The following CDC42BPA variants were observed in gnomAD, a reference collection of about 807,000 sequenced individuals.
CDC42BPA encodes serine/threonine-protein kinase MRCK alpha.
In CDC42BPA, 80 loss-of-function variants were observed where a neutral mutation model predicts 223.5. The ratio of observed to expected loss-of-function variants is 0.36; its 90% CI spans 0.30 to 0.43. The LOEUF is 0.43. CDC42BPA is among the 20% of genes least tolerant of loss of function. CDC42BPA has a pLI of 1.00. For synonymous variants in CDC42BPA, 694 were observed against 718.6 expected (o/e 0.97, Z 0.55); for missense variants, 1,743 against 2,099.9 (o/e 0.83, Z 3.32).
chr1:227,147,301 G>A, intron 7 of CDC42BPA, 58 bp downstream of exon 7: 1 of 1,202,314 alleles, frequency 8.3e-7, no homozygotes, highest in Non-Finnish European at 1.2e-6. Flanking sequence ...CTTTAAAAAT[G>A]GTTTTATTAT....
At chr1:227,283,929 A>G (rs1039315403) in intron 1 of CDC42BPA, among the ~76,000 whole-genome samples, 1 of 152,160 alleles carries the variant, frequency 6.6e-6, no homozygotes, top group African/African-American at 2.4e-5. Context: ...ATGGTGGCGC[A>G]TGACTGTAAT....
In CDC42BPA at chr1:227,129,096, C is replaced by T; in HGVS notation, c.1513+13G>A. 1 of 1,365,194 alleles carries T rather than the reference C, an allele frequency of 7.3e-7. No individual in the cohort carries two copies. The highest frequency in any genetic ancestry group is 1.2e-5 in the South Asian group (1 of 80,272). 84.6% of individuals were successfully genotyped at this position (1,365,194 alleles called of 1,614,324 possible). A position where few individuals can be genotyped will look rare whatever the true frequency, so the allele number is the denominator to read the frequency against. The stretch of plus-strand genomic sequence containing the variant: ...TTCCTAAATTGAATTAACAGTGAAT[C>T]ACAGATATTTACCTGTTACTTGTTT... On this transcript the variant is annotated intron_variant, in intron 11 of 36. Coordinates refer to ENST00000366766, the MANE Select transcript of CDC42BPA (RefSeq NM_001394014.1).
chr1:227,282,689 G>C (rs904171540), intron 1 of CDC42BPA, among the ~76,000 whole-genome samples: 1 of 152,252 alleles, frequency 6.6e-6, no homozygotes, highest in African/African-American at 2.4e-5. Context: ...CTCTTTGCTA[G>C]TGGTTCTTAC....
intron 24 of CDC42BPA, among the ~76,000 whole-genome samples, chr1:227,039,370 C>G (rs1052248270): frequency 6.6e-6 from 1 of 152,066 alleles, no homozygotes; most frequent in African/African-American, 2.4e-5. Flanking sequence ...TACTTTTCCA[C>G]AAGCTTTTTG....
chr1:227,307,336 T>C (rs1692733075), intron 1 of CDC42BPA, among the ~76,000 whole-genome samples: 1 of 152,220 alleles, frequency 6.6e-6, no homozygotes, highest in Admixed American at 6.5e-5. Context: ...TGGAAATTGA[T>C]ATAAATTGTG....
chr1:227,129,182 T>A lies in CDC42BPA; in HGVS notation c.1440A>T (p.Pro480=), dbSNP rs1656466676. Residue 480 remains proline, a synonymous_variant, in exon 11 of 37, where the codon CCA becomes CCT. Transcript: ENST00000366766. ...TTTCTAAATCTTTGCTTGCTGTTAG[T>A]GGACCATCAACAGTTGAATACTGCA... ...QALQYSTVDG[P]LTASKDLEIK... is the part of the protein sequence containing the mutation. 6.3e-7 allele frequency: 1 copy of A among 1,590,766 alleles called. No homozygotes were observed. The highest frequency in any genetic ancestry group is 8.6e-7 in the Non-Finnish European group (1 of 1,161,866).
At chr1:227,054,399 G>T (rs889983092) in intron 21 of CDC42BPA, among the ~76,000 whole-genome samples, 1 of 152,100 alleles carries the variant, frequency 6.6e-6, no homozygotes, top group Non-Finnish European at 1.5e-5. Context: ...CTACTTTCTC[G>T]CATTAAAATT....
intron 2 of CDC42BPA, among the ~76,000 whole-genome samples, chr1:227,244,706 C>T (rs1680610919): frequency 6.6e-6 from 1 of 152,192 alleles, no homozygotes; most frequent in South Asian, 2.1e-4. Context: ...AAAGCACTCT[C>T]ACAAGAACCA....
Position 227,033,418 on chromosome 1 carries a change from G to A in CDC42BPA, c.3477-3C>T. On this transcript the variant is annotated splice_region_variant and splice_polypyrimidine_tract_variant and intron_variant, in intron 26 of 36. Transcript: ENST00000366766. ...AACTCACAGAAAATTCTTCATCCCT[G>A]AACGAAAAGCAAAGCATTAAAAGTT... 1 of 1,609,106 alleles carries A rather than the reference G, an allele frequency of 6.2e-7. No homozygotes were observed. The highest frequency in any genetic ancestry group is 8.5e-7 in the Non-Finnish European group (1 of 1,175,580).
At chr1:227,207,581 G>C (rs10916104) in intron 3 of CDC42BPA, among the ~76,000 whole-genome samples, 1 of 142,696 alleles carries the variant, frequency 7.0e-6, no homozygotes, top group Admixed American at 7.3e-5. Context: ...TGATCTCACT[G>C]TTCAAGTCCC....
At chr1:227,195,312 G>C (rs905052173) in intron 4 of CDC42BPA, among the ~76,000 whole-genome samples, 77 of 152,172 alleles carry the variant, frequency 5.1e-4, no homozygotes, top group African/African-American at 1.7e-3. Context: ...TCATGCCTCA[G>C]CTTCCCAAGT....
chr1:227,273,995 CAAAAAAAAAAAAAAAA>C (rs10599884), intron 1 of CDC42BPA, among the ~76,000 whole-genome samples: 1 of 57,002 alleles, frequency 1.8e-5, no homozygotes, highest in South Asian at 8.5e-4. Flanking sequence ...TCGTATACAC[CAAAAAAAAAAAAAAAA>C]AAAAAAAAAA....
chr1:227,172,864 A>G (rs1219109085), intron 5 of CDC42BPA, among the ~76,000 whole-genome samples: 1 of 152,206 alleles, frequency 6.6e-6, no homozygotes, highest in Non-Finnish European at 1.5e-5. Flanking sequence ...TCTTTAACAA[A>G]TACTTGTATG....
intron 4 of CDC42BPA, among the ~76,000 whole-genome samples, chr1:227,196,628 C>T (rs374202591): frequency 3.9e-5 from 6 of 152,078 alleles, no homozygotes; most frequent in African/African-American, 9.7e-5. Flanking sequence ...CATGAGCCAC[C>T]GTGCCCGGCC....
intron 15 of CDC42BPA, among the ~76,000 whole-genome samples, chr1:227,097,188 C>A (rs932906540): frequency 1.3e-5 from 2 of 152,052 alleles, no homozygotes; most frequent in Non-Finnish European, 2.9e-5. Context: ...CACACACACA[C>A]CCACACAACA....
At chr1:227,056,287 A>C (rs1008248388) in intron 21 of CDC42BPA, among the ~76,000 whole-genome samples, 7 of 152,224 alleles carry the variant, frequency 4.6e-5, no homozygotes, top group African/African-American at 1.7e-4. Context: ...GATATGGATT[A>C]TATATGGTCA....
At chr1:227,291,987 ATT>A (rs35465265) in intron 1 of CDC42BPA, among the ~76,000 whole-genome samples, 6 of 148,104 alleles carry the variant, frequency 4.1e-5, no homozygotes, top group Admixed American at 6.8e-5. Context: ...ATAACAGATA[ATT>A]TTTTTTTTTT....
Position 227,072,214 on chromosome 1 carries a change from C to T in CDC42BPA, c.2821G>A (p.Glu941Lys). Residue 941 changes from glutamate (E) to lysine (K), a missense_variant, in exon 20 of 37, where the codon GAA becomes AAA. This residue lies in a region of CDC42BPA where 678 missense variants were observed against 777.5 expected (regional missense o/e 0.87). Coordinates refer to ENST00000366766, the MANE Select transcript of CDC42BPA (RefSeq NM_001394014.1). ...CAAACACACACTCCCATACCCTTTTCAGATCTAAGCTCTTCAGTGTCCTTT... is the reference window on the plus strand; with the variant it reads ...CAAACACACACTCCCATACCCTTTTTAGATCTAAGCTCTTCAGTGTCCTTT... ...LIKDTEELRSEKGIEHQDSQH... is the reference protein window; with the variant it reads ...LIKDTEELRSKKGIEHQDSQH... The T allele has an allele frequency of 3.1e-6, 5 of 1,588,666 alleles. No homozygotes were observed. Among genetic ancestry groups the T allele is most frequent in the Non-Finnish European group, 4.3e-6 (5 of 1,159,416 alleles).
At chr1:227,019,691 A>C (rs1667009939) in intron 32 of CDC42BPA, among the ~76,000 whole-genome samples, 1 of 151,708 alleles carries the variant, frequency 6.6e-6, no homozygotes, top group African/African-American at 2.4e-5. Flanking sequence ...AAATATCATC[A>C]ATCTCCTTGT....
Sources: allele counts gnomAD v4.1 joint callset (sites outside exome capture counted in the v4.1 genomes callset), GRCh38; gene constraint gnomAD v4.1.1; regional missense constraint gnomAD v4.1.1; transcripts MANE v1.5; gene names NCBI Gene and HGNC (gene_info 2026-07-23, HGNC 2026-07-21).